SPC25: variants seen among roughly 807,000 people sequenced by gnomAD.
The protein encoded by SPC25 is SPC25 component of NDC80 kinetochore complex.
A neutral mutation model predicts 29.6 loss-of-function variants in SPC25; 22 were observed. The ratio of observed to expected loss-of-function variants is 0.74; its 90% CI spans 0.53 to 1.06. SPC25 has a LOEUF of 1.06. SPC25 is among the 50% of genes least tolerant of loss of function. The pLI, the probability that SPC25 is intolerant of heterozygous loss-of-function variation, is 0.00. For missense variants in SPC25, 230 were observed against 255.8 expected (o/e 0.90, Z 0.69); for synonymous variants, 91 against 90.4 (o/e 1.01, Z -0.04).
At position 168,888,955 on chromosome 2, in the gene SPC25, GTGTATA is replaced by G. The variant is rs1163427335; in HGVS notation, c.199+265_199+270del. On this transcript the variant is annotated intron_variant, in intron 3 of 6. Coordinates refer to ENST00000282074, the MANE Select transcript of SPC25 (RefSeq NM_020675.4). ...TGTGTGTGTGTGTGTGTGTGTGTGT[GTGTATA>G]TATATATATATACACACACACATAT... Among the ~76,000 whole-genome samples the G allele has an allele frequency of 1.0e-3, 62 of 59,320 alleles. 4 individuals carry two copies. The highest frequency in any genetic ancestry group is 4.6e-3 in the African/African-American group (58 of 12,656). The allele number at this position is 59,320 out of a possible 152,430, so 38.9% of individuals were successfully genotyped here.
In SPC25 at chr2:168,889,268, CCTTT is replaced by C. The variant is rs1559158912; in HGVS notation, c.153_156del (p.Glu53LysfsTer30). ...AACATCTCAACCATTCGTTCTTCTT[CCTTT>C]AATTTCACAGACAGCTTTTCTGAAA... On this transcript the variant is annotated frameshift_variant, in exon 3 of 7. Coordinates refer to ENST00000282074, the MANE Select transcript of SPC25 (RefSeq NM_020675.4). LOFTEE classifies it high-confidence loss of function. The C allele has an allele frequency of 3.1e-6, 5 of 1,613,570 alleles. No homozygotes were observed. In the South Asian group the frequency reaches 5.5e-5, roughly 18 times the overall value.
At chr2:168,883,846 C>T (rs1690215983) in intron 3 of SPC25, among the ~76,000 whole-genome samples, 1 of 151,476 alleles carries the variant, frequency 6.6e-6, no homozygotes, top group Admixed American at 6.6e-5. Flanking sequence ...TCTCAGCTCA[C>T]TGCAACCTCC....
At chr2:168,864,339 T>G (rs1034875711) in intron 4 of SPC25, among the ~76,000 whole-genome samples, 1 of 150,056 alleles carries the variant, frequency 6.7e-6, no homozygotes, top group Non-Finnish European at 1.5e-5. Flanking sequence ...CAGGCTAGAG[T>G]GCAGTGGCAT....
At chr2:168,883,802 C>T (rs1477490596) in intron 3 of SPC25, among the ~76,000 whole-genome samples, 3 of 148,212 alleles carry the variant, frequency 2.0e-5, no homozygotes, top group Non-Finnish European at 3.0e-5. Context: ...GATGGAGTCT[C>T]GCTCTGTCGC....
chr2:168,885,188 T>TC (rs1316668538), intron 3 of SPC25, among the ~76,000 whole-genome samples: 1 of 152,048 alleles, frequency 6.6e-6, no homozygotes, highest in Non-Finnish European at 1.5e-5. Flanking sequence ...AAAAACATGC[T>TC]CCTCCTCTCT....
chr2:168,886,519 G>C (rs73014610), intron 3 of SPC25, among the ~76,000 whole-genome samples: 11,820 of 150,642 alleles, frequency 0.078, 739 homozygotes, highest in African/African-American at 0.18. Flanking sequence ...AGTATAAACT[G>C]ATTTCTTTTT....
intron 3 of SPC25, among the ~76,000 whole-genome samples, chr2:168,887,217 T>C (rs183362121): frequency 2.9e-4 from 44 of 152,028 alleles, no homozygotes; most frequent in African/African-American, 1.0e-3. Flanking sequence ...GGTCAGGAGA[T>C]TGAGACCATC....
chr2:168,868,039 G>T (rs1412030094), downstream of SPC25, among the ~76,000 whole-genome samples: 1 of 152,032 alleles, frequency 6.6e-6, no homozygotes, highest in Admixed American at 6.6e-5. Flanking sequence ...TAGAACGCAG[G>T]ATTAAGAAAC....
intron 3 of SPC25, among the ~76,000 whole-genome samples, chr2:168,883,314 A>G (rs1275678652): frequency 6.6e-6 from 1 of 152,176 alleles, no homozygotes; most frequent in Non-Finnish European, 1.5e-5. Flanking sequence ...TTTGTTAAAT[A>G]TGGTTCTCAA....
chr2:168,886,580 C>T (rs1352072959), intron 3 of SPC25, among the ~76,000 whole-genome samples: 4 of 150,724 alleles, frequency 2.7e-5, no homozygotes, highest in African/African-American at 9.8e-5. Flanking sequence ...AGTGCAGTGG[C>T]GCGATCTGGG....
At chr2:168,877,984 C>T (rs1690117488) in intron 3 of SPC25, among the ~76,000 whole-genome samples, 2 of 152,050 alleles carry the variant, frequency 1.3e-5, no homozygotes. Context: ...CCAGTGCAAG[C>T]CACCACGCCT....
chr2:168,871,369 G>GAA lies in SPC25; in HGVS notation c.*60_*61dup, dbSNP rs11420514. The GAA allele has an allele frequency of 4.1e-5, 59 of 1,438,518 alleles. 1 individual carries two copies. The highest frequency in any genetic ancestry group is 2.6e-4 in the Admixed American group (11 of 42,474). The allele number at this position is 1,438,518 out of a possible 1,614,324, so 89.1% of individuals were successfully genotyped here. ...TAAAGTATAATAATAATAAAAACAA[G>GAA]AAAAAAAGAGATATGTAATAGAGAA... On this transcript the variant is annotated 3_prime_UTR_variant, in exon 7 of 7. Coordinates refer to ENST00000282074, the MANE Select transcript of SPC25 (RefSeq NM_020675.4).
At chr2:168,888,475 A>G (rs2105838974) in intron 3 of SPC25, among the ~76,000 whole-genome samples, 1 of 152,236 alleles carries the variant, frequency 6.6e-6, no homozygotes, top group East Asian at 1.9e-4. Flanking sequence ...GAGTGGCGTG[A>G]ACCCAGGAGG....
intron 4 of SPC25, chr2:168,864,956 G>C: frequency 6.2e-7 from 1 of 1,614,010 alleles, no homozygotes; most frequent in South Asian, 1.1e-5. Flanking sequence ...TGGCAACACA[G>C]CTACAAAGGC....
rs751492064 is a variant in SPC25, at chr2:168,876,189, C to T, written c.347-13G>A. The T allele has an allele frequency of 5.3e-6, 8 of 1,498,430 alleles. No homozygotes were observed. The highest frequency in any genetic ancestry group is 7.2e-6 in the Non-Finnish European group (8 of 1,118,680). 92.8% of individuals were successfully genotyped at this position (1,498,430 alleles called of 1,614,324 possible). On this transcript the variant is annotated splice_polypyrimidine_tract_variant and intron_variant, in intron 4 of 6. Coordinates refer to ENST00000282074, the MANE Select transcript of SPC25 (RefSeq NM_020675.4). ...GCAGTAGAAATAGCTGATTAAAAAA[C>T]ACACACAATATTAAATGTTTTAAAT...
chr2:168,878,689 A>G (rs949427660), intron 3 of SPC25, among the ~76,000 whole-genome samples: 1 of 152,238 alleles, frequency 6.6e-6, no homozygotes, highest in African/African-American at 2.4e-5. Context: ...CACCCCAAAA[A>G]AATCAATAGT....
At chr2:168,877,204 T>C in intron 4 of SPC25, 34 bp downstream of exon 4, 1 of 1,605,706 alleles carries the variant, frequency 6.2e-7, no homozygotes, top group Non-Finnish European at 8.5e-7. Flanking sequence ...CCACTTTCCA[T>C]TTTAGATCAG....
intron 3 of SPC25, 31 bp downstream of exon 3, chr2:168,889,195 A>G (rs1468239124): frequency 6.3e-7 from 1 of 1,591,386 alleles, no homozygotes; most frequent in Non-Finnish European, 8.6e-7. Context: ...TTATCTAAAA[A>G]AAACCCCATG....
At chr2:168,867,185 T>C (rs548074110), downstream of SPC25, among the ~76,000 whole-genome samples, 2 of 152,300 alleles carry the variant, frequency 1.3e-5, no homozygotes, top group Admixed American at 6.5e-5. Flanking sequence ...TGTATGTTTA[T>C]TGCAGCACTA....
Sources: allele counts gnomAD v4.1 joint callset (sites outside exome capture counted in the v4.1 genomes callset), GRCh38; gene constraint gnomAD v4.1.1; transcripts MANE v1.5; gene names NCBI Gene and HGNC (gene_info 2026-07-23, HGNC 2026-07-21).